TRIM77: variants seen among roughly 807,000 people sequenced by gnomAD.
The protein encoded by TRIM77 is tripartite motif containing 77.
In TRIM77, 23 loss-of-function variants were observed where a neutral mutation model predicts 31.8. The ratio of observed to expected loss-of-function variants is 0.72; its 90% CI spans 0.52 to 1.02. The LOEUF (loss-of-function observed/expected upper bound fraction) is 1.02. Ranked by LOEUF, TRIM77 falls within the 50% of genes least tolerant of loss-of-function variation. The pLI, the probability that TRIM77 is intolerant of heterozygous loss-of-function variation, is 0.00. For missense variants in TRIM77, 446 were observed against 539.2 expected (o/e 0.83, Z 1.71); for synonymous variants, 159 against 183.1 (o/e 0.87, Z 1.06).
intron 4 of TRIM77, 150 bp downstream of exon 4, chr11:89,715,330 T>C: frequency 1.5e-6 from 1 of 686,692 alleles, no homozygotes; most frequent in Non-Finnish European, 2.4e-6. Flanking sequence ...ATTGACTACT[T>C]CAGATGAAAG....
Position 89,717,622 on chromosome 11 carries a change from T to C in TRIM77, c.1103T>C (p.Met368Thr). 6.4e-7 allele frequency: 1 copy of C among 1,551,384 alleles called. No individual in the cohort carries two copies. Among genetic ancestry groups the C allele is most frequent in the Non-Finnish European group, 8.7e-7 (1 of 1,146,768 alleles). Residue 368 changes from methionine to threonine, a missense_variant, in exon 6 of 6, where the codon ATG becomes ACG. Coordinates refer to ENST00000398290, the MANE Select transcript of TRIM77 (RefSeq NM_001146162.1). ...CREAWTKRND[M>T]RLDSEGIFLL... ...GAAGCCTGGACAAAGAGGAATGACA[T>C]GCGACTTGACTCTGAGGGTATCTTT...
intron 3 of TRIM77, 40 bp from the exon 4 acceptor site, chr11:89,715,118 T>C: frequency 1.3e-5 from 20 of 1,548,946 alleles, no homozygotes; most frequent in Non-Finnish European, 1.7e-5. Flanking sequence ...GAGAGAACCA[T>C]GTTGTGCTGC....
intron 2 of TRIM77, 23 bp downstream of exon 2, chr11:89,711,528 T>C (rs1319347178): frequency 7.5e-7 from 1 of 1,333,682 alleles, no homozygotes; most frequent in Non-Finnish European, 1.0e-6. Context: ...CTCATTTCTC[T>C]CAGAACCAGT....
chr11:89,713,767 C>A (rs1054463075), intron 2 of TRIM77, among the ~76,000 whole-genome samples: 1 of 152,024 alleles, frequency 6.6e-6, no homozygotes, highest in Non-Finnish European at 1.5e-5. Context: ...CTGGTAAAAG[C>A]ACCGAGTGTT....
rs1164152820 is a variant in TRIM77 at position 89,710,458 on chromosome 11, G to C, written c.160G>C (p.Val54Leu). 1.1e-5 allele frequency: 17 copies of C among 1,551,694 alleles called. No homozygotes were observed. Among genetic ancestry groups the C allele is most frequent in the Non-Finnish European group, 1.5e-5 (17 of 1,146,940 alleles). The change falls in exon 1 of 6, where the codon GTG becomes CTG. Residue 54 changes from valine to leucine, a missense_variant. Physicochemically the swap from Val to Leu is conservative, Grantham distance 32 (BLOSUM62 1). This residue lies in a region of TRIM77 where 72 missense variants were observed against 64.7 expected (regional missense o/e 1.11). Transcript: ENST00000398290. Reference sequence around the variant, plus strand: ...TACACTAACTCCTAATTGCTGCCCTGTGTGCAGGGAAATATCACAGCAAAT... The same window carrying C: ...TACACTAACTCCTAATTGCTGCCCTCTGTGCAGGGAAATATCACAGCAAAT... ...EDTLTPNCCPVCREISQQMYF... is the reference protein window; with the variant it reads ...EDTLTPNCCPLCREISQQMYF...
chr11:89,716,169 T>G (rs1949159745), intron 5 of TRIM77, among the ~76,000 whole-genome samples, 182 bp downstream of exon 5: 1 of 152,054 alleles, frequency 6.6e-6, no homozygotes. Context: ...AAAAGCTAAC[T>G]GAAGTCTGGA....
chr11:89,710,741 T>A, intron 1 of TRIM77, 32 bp downstream of exon 1: 1 of 1,468,018 alleles, frequency 6.8e-7, no homozygotes, highest in South Asian at 1.4e-5. Context: ...CACTTTGAAA[T>A]GTGAAGAACC....
At chr11:89,714,021 G>A (rs934210339) in intron 2 of TRIM77, among the ~76,000 whole-genome samples, 171 bp from the exon 3 acceptor site, 4 of 152,178 alleles carry the variant, frequency 2.6e-5, no homozygotes, top group South Asian at 2.1e-4. Context: ...GCAGGGAAAC[G>A]GAAGAGGAAG....
Position 89,710,346 on chromosome 11 carries a change from G to A in TRIM77, c.48G>A (p.Ser16=), listed in dbSNP as rs1487850198. 3 of 1,549,664 alleles carry A rather than the reference G, an allele frequency of 1.9e-6. No individual in the cohort carries two copies. The highest frequency in any genetic ancestry group is 1.2e-5 in the South Asian group (1 of 84,008). Residue 16 remains serine, a synonymous_variant, in exon 1 of 6, where the codon TCG becomes TCA. Coordinates refer to ENST00000398290, the MANE Select transcript of TRIM77 (RefSeq NM_001146162.1). ...GTTCTACCAGTGAGCTCACCTGCTC[G>A]ATCTGCACAGACTATTTGACAGACC... ...TQCSTSELTC[S]ICTDYLTDPV... is the part of the protein sequence containing the mutation.
chr11:89,710,801 A>G, intron 1 of TRIM77, 92 bp downstream of exon 1: 1 of 1,112,662 alleles, frequency 9.0e-7, no homozygotes, highest in Non-Finnish European at 1.2e-6. Flanking sequence ...TATTGTTATT[A>G]ATAATTTTAT....
chr11:89,717,665 A>G lies in TRIM77; in HGVS notation c.1146A>G (p.Lys382=), dbSNP rs1286552345. ...GTATCTTTCTACTCCTGTGTCTCAA[A>G]GTGGATGACCATTTCAGTCTCTTCT... ...SEGIFLLLCL[K]VDDHFSLFST... The change falls in exon 6 of 6, where the codon AAA becomes AAG. Residue 382 remains lysine, a synonymous_variant. Coordinates refer to ENST00000398290, the MANE Select transcript of TRIM77 (RefSeq NM_001146162.1). The G allele has an allele frequency of 1.8e-5, 28 of 1,551,214 alleles. No individual in the cohort carries two copies. The highest frequency in any genetic ancestry group is 2.1e-5 in the Non-Finnish European group (24 of 1,146,736).
intron 2 of TRIM77, among the ~76,000 whole-genome samples, chr11:89,712,999 C>T (rs1182859073): frequency 2.6e-5 from 4 of 152,002 alleles, no homozygotes; most frequent in Non-Finnish European, 5.9e-5. Flanking sequence ...TGAGGTCCGG[C>T]GCGATGGCTC....
chr11:89,711,276 T>G, intron 1 of TRIM77, 134 bp from the exon 2 acceptor site: 1 of 493,478 alleles, frequency 2.0e-6, no homozygotes, highest in Non-Finnish European at 3.6e-6. Context: ...TGACAATCAG[T>G]GCCCTTAAGA....
At chr11:89,714,722 G>A (rs575344434) in intron 3 of TRIM77, among the ~76,000 whole-genome samples, 2 of 152,306 alleles carry the variant, frequency 1.3e-5, no homozygotes, top group South Asian at 4.1e-4. Flanking sequence ...AGCAGCTCAT[G>A]AATACATGAT....
At position 89,717,376 on chromosome 11, in the gene TRIM77, T is replaced by A. The variant is rs1274439292; in HGVS notation, c.860-3T>A. Reference sequence around the variant, plus strand: ...TTGCATTCACTGTTTTCTTTTGCCATAGTGTATATCACCTTGGATCGTAAG... The same window carrying A: ...TTGCATTCACTGTTTTCTTTTGCCAAAGTGTATATCACCTTGGATCGTAAG... On this transcript the variant is annotated splice_polypyrimidine_tract_variant and splice_region_variant and intron_variant, in intron 5 of 5. Transcript: ENST00000398290. The A allele has an allele frequency of 1.3e-6, 2 of 1,530,462 alleles. No individual in the cohort carries two copies. The highest frequency in any genetic ancestry group is 1.8e-6 in the Non-Finnish European group (2 of 1,135,538). The allele number at this position is 1,530,462 out of a possible 1,614,324, so 94.8% of individuals were successfully genotyped here. A position where few individuals can be genotyped will look rare whatever the true frequency, so the allele number is the denominator to read the frequency against.
At chr11:89,713,477 A>G (rs187665518) in intron 2 of TRIM77, among the ~76,000 whole-genome samples, 138 of 145,180 alleles carry the variant, frequency 9.5e-4, no homozygotes, top group African/African-American at 3.4e-3. Flanking sequence ...TAATAATAAT[A>G]ATAATAATAA....
At chr11:89,712,584 T>C (rs1949129705) in intron 2 of TRIM77, among the ~76,000 whole-genome samples, 1 of 152,028 alleles carries the variant, frequency 6.6e-6, no homozygotes, top group Admixed American at 6.6e-5. Flanking sequence ...GCAGAAGAAA[T>C]GAATCAGTGG....
At chr11:89,717,355 A>G in intron 5 of TRIM77, 24 bp from the exon 6 acceptor site, 1 of 1,505,882 alleles carries the variant, frequency 6.6e-7, no homozygotes, top group South Asian at 1.3e-5. Flanking sequence ...GTTTTTTTGC[A>G]TTCACTGTTT....
chr11:89,713,007 C>A (rs1252754630), intron 2 of TRIM77, among the ~76,000 whole-genome samples: 1 of 152,068 alleles, frequency 6.6e-6, no homozygotes, highest in Non-Finnish European at 1.5e-5. Flanking sequence ...GGCGCGATGG[C>A]TCATGCCTGT....
Sources: allele counts gnomAD v4.1 joint callset (sites outside exome capture counted in the v4.1 genomes callset), GRCh38; gene constraint gnomAD v4.1.1; regional missense constraint gnomAD v4.1.1; transcripts MANE v1.5; gene names NCBI Gene and HGNC (gene_info 2026-07-23, HGNC 2026-07-21).